The following KCNJ3 variants were observed in gnomAD, a reference collection of about 807,000 sequenced individuals.
The protein encoded by KCNJ3 is G protein-activated inward rectifier potassium channel 1.
In KCNJ3, 4 loss-of-function variants were observed where a neutral mutation model predicts 39.2. The ratio of observed to expected loss-of-function variants is 0.10; its 90% confidence interval spans 0.05 to 0.23. KCNJ3 has a LOEUF of 0.23. Among genes scored for constraint, KCNJ3 ranks in the 10% least tolerant of loss-of-function variants. KCNJ3 has a pLI of 1.00. For synonymous variants in KCNJ3, 230 were observed against 237.4 expected (o/e 0.97, Z 0.29); for missense variants, 276 against 634.9 (o/e 0.43, Z 6.08).
chr2:154,768,554 T>G (rs1304920862), intron 2 of KCNJ3, among the ~76,000 whole-genome samples: 1 of 152,200 alleles, frequency 6.6e-6, no homozygotes, highest in African/African-American at 2.4e-5. Context: ...ATATCTCTGT[T>G]TTGGTACCAG....
At chr2:154,745,540 C>T (rs1037488294) in intron 2 of KCNJ3, among the ~76,000 whole-genome samples, 5 of 151,934 alleles carry the variant, frequency 3.3e-5, no homozygotes, top group Admixed American at 2.6e-4. Context: ...CCATTTGCTT[C>T]ATTTTTATAT....
At chr2:154,805,442 T>A (rs1244431778) in intron 2 of KCNJ3, among the ~76,000 whole-genome samples, 1 of 152,102 alleles carries the variant, frequency 6.6e-6, no homozygotes, top group Non-Finnish European at 1.5e-5. Flanking sequence ...GAAATGATTT[T>A]AAATTTGCTT....
chr2:154,854,305 T>C (rs1687804415), intron 2 of KCNJ3, among the ~76,000 whole-genome samples: 1 of 152,198 alleles, frequency 6.6e-6, no homozygotes, highest in African/African-American at 2.4e-5. Context: ...GTTAAATATA[T>C]TTTCTAAGTT....
At chr2:154,763,126 A>G (rs918909336) in intron 2 of KCNJ3, among the ~76,000 whole-genome samples, 1 of 152,224 alleles carries the variant, frequency 6.6e-6, no homozygotes, top group Non-Finnish European at 1.5e-5. Flanking sequence ...CACATTTCCG[A>G]CAGTCAATTT....
intron 2 of KCNJ3, among the ~76,000 whole-genome samples, chr2:154,711,555 G>A (rs1179541857): frequency 1.3e-5 from 2 of 152,064 alleles, no homozygotes; most frequent in African/African-American, 4.8e-5. Flanking sequence ...AGGAGTGAAT[G>A]CGTTTTTCTA....
At chr2:154,769,172 C>G (rs934373711) in intron 2 of KCNJ3, among the ~76,000 whole-genome samples, 1 of 152,110 alleles carries the variant, frequency 6.6e-6, no homozygotes, top group African/African-American at 2.4e-5. Context: ...ATTGAATACC[C>G]TTTATTTCTT....
At chr2:154,792,177 G>A (rs575959931) in intron 2 of KCNJ3, among the ~76,000 whole-genome samples, 93 of 152,124 alleles carry the variant, frequency 6.1e-4, no homozygotes, top group South Asian at 1.0e-3. Flanking sequence ...GATTGTTTAT[G>A]CAGCAGCCAT....
At chr2:154,767,892 G>A (rs1428712855) in intron 2 of KCNJ3, among the ~76,000 whole-genome samples, 1 of 152,180 alleles carries the variant, frequency 6.6e-6, no homozygotes, top group Non-Finnish European at 1.5e-5. Context: ...ACTGGTGTGA[G>A]ATGGTATCTC....
At chr2:154,845,130 T>C (rs927488544) in intron 2 of KCNJ3, among the ~76,000 whole-genome samples, 1 of 152,280 alleles carries the variant, frequency 6.6e-6, no homozygotes, top group South Asian at 2.1e-4. Flanking sequence ...GAAAAAAATA[T>C]ATTTTTTGAG....
At chr2:154,702,179 CT>C (rs1314167875) in intron 1 of KCNJ3, among the ~76,000 whole-genome samples, 1 of 151,928 alleles carries the variant, frequency 6.6e-6, no homozygotes, top group Non-Finnish European at 1.5e-5. Context: ...CAATTTCCCC[CT>C]TTTAACCTCC....
chr2:154,721,732 T>C (rs1409688270), intron 2 of KCNJ3, among the ~76,000 whole-genome samples: 1 of 152,130 alleles, frequency 6.6e-6, no homozygotes, highest in Admixed American at 6.6e-5. Context: ...AATGATAAAA[T>C]TATAAAGATA....
At chr2:154,781,084 G>A (rs1574460131) in intron 2 of KCNJ3, among the ~76,000 whole-genome samples, 1 of 152,104 alleles carries the variant, frequency 6.6e-6, no homozygotes, top group Non-Finnish European at 1.5e-5. Context: ...ATATGAGAAG[G>A]ACAACTGGCC....
chr2:154,775,378 T>C (rs1686315526), intron 2 of KCNJ3, among the ~76,000 whole-genome samples: 1 of 152,196 alleles, frequency 6.6e-6, no homozygotes, highest in African/African-American at 2.4e-5. Flanking sequence ...TATTCTGGAA[T>C]CAGTATTTTG....
chr2:154,801,481 C>CTTTCT (rs58291298), intron 2 of KCNJ3, among the ~76,000 whole-genome samples: 68,269 of 149,226 alleles, frequency 0.46, 16,726 homozygotes, highest in Non-Finnish European at 0.56. Flanking sequence ...TCCCTCCCTC[C>CTTTCT]TTTCTTTTCT....
At chr2:154,794,914 A>G (rs1014512814) in intron 2 of KCNJ3, among the ~76,000 whole-genome samples, 4 of 152,038 alleles carry the variant, frequency 2.6e-5, no homozygotes, top group African/African-American at 9.7e-5. Context: ...TTAACAAAGA[A>G]GAATTTTCTT....
intron 2 of KCNJ3, among the ~76,000 whole-genome samples, chr2:154,763,895 T>G (rs1686087544): frequency 6.6e-6 from 1 of 152,250 alleles, no homozygotes; most frequent in Admixed American, 6.5e-5. Flanking sequence ...ACTAGGTATT[T>G]AACAAATACT....
At chr2:154,802,601 G>A (rs1473992686) in intron 2 of KCNJ3, among the ~76,000 whole-genome samples, 1 of 152,072 alleles carries the variant, frequency 6.6e-6, no homozygotes, top group African/African-American at 2.4e-5. Flanking sequence ...TGATACATAT[G>A]CATAACTACA....
At position 154,820,096 on chromosome 2, in the gene KCNJ3, C is replaced by T. The variant is rs187093109; in HGVS notation, c.920-34631C>T. Among the ~76,000 whole-genome samples the T allele has an allele frequency of 3.5e-3, 533 of 152,080 alleles. 2 individuals are homozygous for T. Among genetic ancestry groups the T allele is most frequent in the Middle Eastern group, 6.8e-3 (2 of 294 alleles). On this transcript the variant is annotated intron_variant, in intron 2 of 2. Transcript: ENST00000295101. ...ATAGCCATAGTGCAATAATCAAAAC[C>T]AAAAAATTAACATTGGTCACAATAT... is the stretch of plus-strand genomic sequence containing the variant.
chr2:154,809,987 A>G (rs1686980615), intron 2 of KCNJ3, among the ~76,000 whole-genome samples: 1 of 152,142 alleles, frequency 6.6e-6, no homozygotes, highest in Non-Finnish European at 1.5e-5. Context: ...CCCAAAGTTC[A>G]GTTCAGTATC....
Sources: gnomAD v4.1 joint callset for allele counts (sites outside exome capture counted in the v4.1 genomes callset) on GRCh38, gnomAD v4.1.1 for gene constraint, MANE v1.5 for transcripts, NCBI Gene and HGNC (gene_info 2026-07-23, HGNC 2026-07-21) for gene names.